DPP6: variants seen among roughly 807,000 people sequenced by gnomAD.
The protein encoded by DPP6 is A-type potassium channel modulatory protein DPP6.
DPP6 carries 69 observed loss-of-function variants against 122.6 expected under a neutral mutation model. The ratio of observed to expected loss-of-function variants is 0.56; its 90% CI spans 0.46 to 0.69. The LOEUF (loss-of-function observed/expected upper bound fraction) is 0.69. Ranked by LOEUF, DPP6 falls within the 30% of genes least tolerant of loss-of-function variation. The probability of loss-of-function intolerance (pLI) is 0.00; values close to 1 mark genes in which losing one functional copy is unlikely to be tolerated. For synonymous variants in DPP6, 418 were observed against 433.1 expected (o/e 0.97, Z 0.43); for missense variants, 928 against 1,116.9 (o/e 0.83, Z 2.41).
chr7:154,854,122 G>A (rs1282032565), intron 17 of DPP6, among the ~76,000 whole-genome samples: 2 of 152,148 alleles, frequency 1.3e-5, no homozygotes, highest in Non-Finnish European at 2.9e-5. Flanking sequence ...AGCTCAAAAG[G>A]CTTTGTAGCC....
chr7:154,664,097 C>T (rs1221253265), intron 6 of DPP6, among the ~76,000 whole-genome samples: 2 of 131,894 alleles, frequency 1.5e-5, no homozygotes, highest in African/African-American at 2.5e-5. Context: ...GCGTATCGGC[C>T]GTAGTGTTCA....
At chr7:154,505,463 T>G (rs1177030331) in intron 3 of DPP6, among the ~76,000 whole-genome samples, 3 of 152,166 alleles carry the variant, frequency 2.0e-5, no homozygotes, top group Admixed American at 6.5e-5. Flanking sequence ...CCCCTTTATC[T>G]CCCAAGGATC....
In DPP6 at chr7:154,821,653, T is replaced by TATATATACACAC. The variant is rs1554477670; in HGVS notation, c.1666+14548_1666+14549insCACACATATATA. ...GTATATATATATATATATACACATATATATATATATACACATATATATATA... is the reference window on the plus strand; with the variant it reads ...GTATATATATATATATATACACATATATATATACACACATATATATATACACATATATATATA... On this transcript the variant is annotated intron_variant, in intron 16 of 25. Transcript: ENST00000377770. This position sits in a 1 kb window ranked among gnomAD's most constrained non-coding sequence, Gnocchi z 4.2. Among the ~76,000 whole-genome samples, 13,432 of 106,980 alleles carry TATATATACACAC rather than the reference T, an allele frequency of 0.13. 789 individuals carry two copies. Among genetic ancestry groups the TATATATACACAC allele is most frequent in the South Asian group, 0.2 (690 of 3,510 alleles). 70.2% of individuals were successfully genotyped at this position (106,980 alleles called of 152,430 possible).
intron 1 of DPP6, among the ~76,000 whole-genome samples, chr7:154,207,079 A>C (rs966342766): frequency 3.9e-5 from 6 of 152,330 alleles, no homozygotes; most frequent in African/African-American, 1.4e-4. Flanking sequence ...CCAGATTCGA[A>C]GAATTTGATG....
intron 1 of DPP6, among the ~76,000 whole-genome samples, chr7:154,113,412 TACACAC>T (rs60229672): frequency 3.3e-4 from 47 of 141,898 alleles, no homozygotes; most frequent in Admixed American, 7.1e-4. Context: ...TATATATATA[TACACAC>T]ACACACACAC....
chr7:154,280,829 A>G (rs1197241964), intron 1 of DPP6, among the ~76,000 whole-genome samples: 1 of 152,118 alleles, frequency 6.6e-6, no homozygotes, highest in Non-Finnish European at 1.5e-5. Flanking sequence ...GAAAATATTA[A>G]CATATGCAAT....
At chr7:153,839,226 C>A in the DPP6 span, among the ~76,000 whole-genome samples, 2 of 152,206 alleles carry the variant, frequency 1.3e-5, no homozygotes, top group Non-Finnish European at 2.9e-5. Flanking sequence ...TGAATTCTTA[C>A]ACTGGTATCA....
intron 19 of DPP6, among the ~76,000 whole-genome samples, chr7:154,874,571 A>G (rs72617399): frequency 0.17 from 25,364 of 152,282 alleles, 2,482 homozygotes; most frequent in East Asian, 0.54. Flanking sequence ...ATAGAGCAGC[A>G]CCATGACTCA....
chr7:154,089,876 G>A (rs10253610), intron 1 of DPP6, among the ~76,000 whole-genome samples: 33,245 of 152,058 alleles, frequency 0.22, 4,177 homozygotes, highest in African/African-American at 0.35. Flanking sequence ...AACCCCAAAG[G>A]TGAGAATCAC....
intron 16 of DPP6, among the ~76,000 whole-genome samples, chr7:154,848,563 G>A (rs970884584): frequency 3.3e-5 from 5 of 152,058 alleles, no homozygotes; most frequent in Admixed American, 3.3e-4. Flanking sequence ...TTGGTTATTA[G>A]CCCCTTATGT....
At chr7:154,071,848 C>G (rs986827815) in intron 1 of DPP6, among the ~76,000 whole-genome samples, 24 of 152,312 alleles carry the variant, frequency 1.6e-4, no homozygotes, top group African/African-American at 5.8e-4. Context: ...TTTCTTCTTT[C>G]TTCAACTTCC....
At chr7:154,003,601 TTAA>T (rs1797780239) in intron 1 of DPP6, among the ~76,000 whole-genome samples, 1 of 152,120 alleles carries the variant, frequency 6.6e-6, no homozygotes, top group Non-Finnish European at 1.5e-5. Flanking sequence ...ATTTTCATCT[TTAA>T]TAAGAAGGGT....
intron 17 of DPP6, among the ~76,000 whole-genome samples, chr7:154,866,957 C>T (rs1372446384): frequency 1.3e-5 from 2 of 150,182 alleles, no homozygotes; most frequent in African/African-American, 4.9e-5. Context: ...CCAGCTGCCC[C>T]GGAGAAGCGC....
chr7:154,494,638 G>T (rs1824567849), intron 3 of DPP6, among the ~76,000 whole-genome samples: 1 of 151,794 alleles, frequency 6.6e-6, no homozygotes, highest in South Asian at 2.1e-4. Context: ...TCTTCTTATT[G>T]CAAGCACCAC....
intron 1 of DPP6, among the ~76,000 whole-genome samples, chr7:153,893,013 A>G (rs774259418): frequency 9.2e-5 from 14 of 152,238 alleles, no homozygotes; most frequent in Non-Finnish European, 1.8e-4. Context: ...CAGGATTTAT[A>G]GGAATGGGGA....
intron 1 of DPP6, among the ~76,000 whole-genome samples, chr7:154,371,378 CAAAAAAAAAA>C (rs1167770083): frequency 1.3e-4 from 6 of 47,704 alleles, no homozygotes; most frequent in African/African-American, 6.7e-4. Context: ...AACTCTGTCT[CAAAAAAAAAA>C]AAAAAAAAAA....
the DPP6 span, among the ~76,000 whole-genome samples, chr7:153,839,300 A>T: frequency 6.6e-6 from 1 of 152,190 alleles, no homozygotes; most frequent in Non-Finnish European, 1.5e-5. Context: ...GGTGGGTTAA[A>T]ATCTGACAGG....
rs376482394 is a variant in DPP6 at position 154,119,312 on chromosome 7, G to C, written c.243+66249G>C. Among the ~76,000 whole-genome samples the C allele has an allele frequency of 3.2e-4, 49 of 152,312 alleles. No individual in the cohort carries two copies. In the South Asian group the frequency reaches 0.01, roughly 32 times the overall value. On this transcript the variant is annotated intron_variant, in intron 1 of 25. Coordinates refer to ENST00000377770, the MANE Select transcript of DPP6 (RefSeq NM_130797.4). Reference sequence around the variant, plus strand: ...CCTGCAGAATCCAGTTAACAAGAATGAGTTCTGGTAGAAAGAAAGTGACTT... The same window carrying C: ...CCTGCAGAATCCAGTTAACAAGAATCAGTTCTGGTAGAAAGAAAGTGACTT...
intron 1 of DPP6, among the ~76,000 whole-genome samples, chr7:154,382,543 A>T (rs1337576538): frequency 1.3e-5 from 2 of 152,202 alleles, no homozygotes; most frequent in Non-Finnish European, 2.9e-5. Context: ...AATCCATGGG[A>T]TGGTAACAAT....
Sources: allele counts gnomAD v4.1 joint callset (sites outside exome capture counted in the v4.1 genomes callset), GRCh38; gene constraint gnomAD v4.1.1; non-coding constraint Gnocchi (gnomAD v3.1); transcripts MANE v1.5; gene names NCBI Gene and HGNC (gene_info 2026-07-23, HGNC 2026-07-21).